The following ARB2A variants were observed in gnomAD, a reference collection of about 807,000 sequenced individuals.
ARB2A encodes ARB2 cotranscriptional regulator A.
the ARB2A span, among the ~76,000 whole-genome samples, chr5:93,763,925 G>T: frequency 6.6e-6 from 1 of 152,134 alleles, no homozygotes. Context: ...CATGGAAACT[G>T]AACAACCTGC....
At chr5:93,657,142 G>C in the ARB2A span, among the ~76,000 whole-genome samples, 6 of 152,192 alleles carry the variant, frequency 3.9e-5, no homozygotes, top group Admixed American at 3.3e-4. Flanking sequence ...ATACCATAAA[G>C]ACGATGGCCT....
the ARB2A span, among the ~76,000 whole-genome samples, chr5:93,997,804 C>G: frequency 6.6e-6 from 1 of 151,986 alleles, no homozygotes; most frequent in African/African-American, 2.4e-5. Context: ...ATGACTTATA[C>G]TAGTGTTTGT....
chr5:94,105,186 A>G, the ARB2A span, among the ~76,000 whole-genome samples: 1 of 151,810 alleles, frequency 6.6e-6, no homozygotes, highest in Admixed American at 6.6e-5. Context: ...TCCAAATTAA[A>G]AGGAAGTCAT....
At chr5:93,867,450 G>A in the ARB2A span, among the ~76,000 whole-genome samples, 12 of 151,906 alleles carry the variant, frequency 7.9e-5, no homozygotes, top group Admixed American at 2.6e-4. Flanking sequence ...ACGGAGTCTC[G>A]CTCTGTCGCC....
the ARB2A span, among the ~76,000 whole-genome samples, chr5:93,777,811 G>C: frequency 6.6e-6 from 1 of 152,122 alleles, no homozygotes; most frequent in African/African-American, 2.4e-5. Flanking sequence ...GTTGCAGTGA[G>C]GAGAGAATTT....
At chr5:93,705,738 A>G in the ARB2A span, among the ~76,000 whole-genome samples, 2 of 151,816 alleles carry the variant, frequency 1.3e-5, no homozygotes. Context: ...ATACACTTCA[A>G]TTAAGCAACT....
the ARB2A span, among the ~76,000 whole-genome samples, chr5:93,919,649 G>A: frequency 2.6e-5 from 4 of 152,036 alleles, no homozygotes; most frequent in Non-Finnish European, 5.9e-5. Context: ...TCTAGTCTTC[G>A]CCAATCTTTT....
the ARB2A span, among the ~76,000 whole-genome samples, chr5:93,974,012 C>T: frequency 6.6e-6 from 1 of 152,178 alleles, no homozygotes; most frequent in Non-Finnish European, 1.5e-5. Context: ...ATGCAACTAG[C>T]TAACGACACC....
the ARB2A span, among the ~76,000 whole-genome samples, chr5:93,668,598 T>C: frequency 6.6e-6 from 1 of 152,134 alleles, no homozygotes; most frequent in East Asian, 1.9e-4. Context: ...AAGAACAAAA[T>C]GCAAATTTGA....
At chr5:93,767,265 A>G in the ARB2A span, among the ~76,000 whole-genome samples, 1 of 152,218 alleles carries the variant, frequency 6.6e-6, no homozygotes. Flanking sequence ...CAAATGGCCA[A>G]CAAACATATG....
the ARB2A span, among the ~76,000 whole-genome samples, chr5:94,079,901 G>T: frequency 6.6e-6 from 1 of 152,034 alleles, no homozygotes; most frequent in African/African-American, 2.4e-5. Context: ...CCCCAAATTG[G>T]TAATCATCTG....
At chr5:93,717,979 T>C in the ARB2A span, among the ~76,000 whole-genome samples, 3 of 151,712 alleles carry the variant, frequency 2.0e-5, no homozygotes, top group Non-Finnish European at 4.4e-5. Flanking sequence ...GGATTACAGG[T>C]GCGCACCACC....
At chr5:93,802,357 A>T in the ARB2A span, among the ~76,000 whole-genome samples, 1 of 152,074 alleles carries the variant, frequency 6.6e-6, no homozygotes, top group African/African-American at 2.4e-5. Flanking sequence ...ATGAAAAAGA[A>T]AACATCCATA....
At chr5:93,994,729 CCT>C in the ARB2A span, among the ~76,000 whole-genome samples, 1 of 151,674 alleles carries the variant, frequency 6.6e-6, no homozygotes, top group African/African-American at 2.4e-5. Context: ...TGGCAAAACC[CCT>C]GTCTCTATAA....
At chr5:93,806,919 T>C in the ARB2A span, among the ~76,000 whole-genome samples, 5 of 151,934 alleles carry the variant, frequency 3.3e-5, no homozygotes, top group African/African-American at 1.2e-4. Context: ...GTAGTAGGTG[T>C]TACTAAATAT....
At chr5:93,845,891 C>T in the ARB2A span, among the ~76,000 whole-genome samples, 2 of 152,024 alleles carry the variant, frequency 1.3e-5, no homozygotes, top group Admixed American at 6.6e-5. Context: ...ATAATTATAG[C>T]TGTAGAGGAA....
At chr5:93,707,499 G>A in the ARB2A span, among the ~76,000 whole-genome samples, 2 of 151,040 alleles carry the variant, frequency 1.3e-5, no homozygotes, top group Non-Finnish European at 1.5e-5. Context: ...TTTAAAATAA[G>A]TATACAAGGG....
chr5:94,059,618 CA>C, the ARB2A span, among the ~76,000 whole-genome samples: 383 of 62,758 alleles, frequency 6.1e-3, no homozygotes, highest in African/African-American at 0.027. Context: ...GAGACTGTCT[CA>C]AAAAAAAAAA....
At chr5:93,990,449 G>A in the ARB2A span, among the ~76,000 whole-genome samples, 8 of 151,706 alleles carry the variant, frequency 5.3e-5, no homozygotes, top group African/African-American at 1.7e-4. Flanking sequence ...AGTCTTTGTT[G>A]AGCTAGAAAG....
Sources: gnomAD v4.1 joint callset for allele counts (sites outside exome capture counted in the v4.1 genomes callset) on GRCh38, gnomAD v4.1.1 for gene constraint, MANE v1.5 for transcripts, NCBI Gene and HGNC (gene_info 2026-07-23, HGNC 2026-07-21) for gene names.